The following SEMA6D variants were observed in gnomAD, a reference collection of about 807,000 sequenced individuals.
SEMA6D encodes the protein semaphorin-6D.
A neutral mutation model predicts 106.6 loss-of-function variants in SEMA6D; 35 were observed. That is an observed-to-expected ratio of 0.33 (90% CI 0.25 to 0.44). The LOEUF (loss-of-function observed/expected upper bound fraction) is 0.44. Among genes scored for constraint, SEMA6D ranks in the 20% least tolerant of loss-of-function variants. The pLI is 1.00. For synonymous variants in SEMA6D, 499 were observed against 487.7 expected, an observed-to-expected ratio of 1.02 and a Z score of -0.31; for missense variants, 1,185 against 1,345.9, an observed-to-expected ratio of 0.88 and a Z score of 1.87.
rs140879087 is a variant in SEMA6D at position 47,348,058 on chromosome 15, T to A, written c.-238-64335T>A. Reference sequence around the variant, plus strand: ...TTTGATGTAGCTCAATAATAATTTTTCCAGTCAGAATAATTTCAAACTGCA... The same window carrying A: ...TTTGATGTAGCTCAATAATAATTTTACCAGTCAGAATAATTTCAAACTGCA... On this transcript the variant is annotated intron_variant, in intron 1 of 19. Coordinates refer to the SEMA6D transcript ENST00000558014. 7.7e-3 allele frequency among the ~76,000 whole-genome samples: 1,172 copies of A among 152,310 alleles called. 21 individuals carry two copies. Among genetic ancestry groups the A allele is most frequent in the African/African-American group, 0.027 (1,118 of 41,554 alleles).
chr15:47,770,956 A>G lies in SEMA6D; in HGVS notation c.2393A>G (p.His798Arg). The G allele has an allele frequency of 6.2e-7, 1 of 1,614,122 alleles. No individual in the cohort carries two copies. Among genetic ancestry groups the G allele is most frequent in the East Asian group, 2.2e-5 (1 of 44,860 alleles). Reference sequence around the variant, plus strand: ...AGCCACTCAGAAAAGGCCCATGGCCATGGAGCTTCAAGGAAAGAAACCCCT... The same window carrying G: ...AGCCACTCAGAAAAGGCCCATGGCCGTGGAGCTTCAAGGAAAGAAACCCCT... ...MKSHSEKAHG[H>R]GASRKETPQF... The change falls in exon 19 of 19, where the codon CAT becomes CGT. Residue 798 changes from histidine (H) to arginine (R), a missense_variant. By Grantham distance (29) the His-to-Arg change is conservative (BLOSUM62 0). Around this residue, in one of 3 missense-constraint regions of SEMA6D, gnomAD observed 750 missense variants for 783.5 expected, o/e 0.96. Transcript: ENST00000536845.
At chr15:47,284,378 C>G (rs1040128852) in intron 1 of SEMA6D, among the ~76,000 whole-genome samples, 2 of 152,192 alleles carry the variant, frequency 1.3e-5, no homozygotes, top group African/African-American at 4.8e-5. Context: ...TCATATGTCA[C>G]TGGGCCCCCG....
chr15:47,690,862 AC>A, intron 4 of SEMA6D, among the ~76,000 whole-genome samples: 1 of 152,278 alleles, frequency 6.6e-6, no homozygotes, highest in Non-Finnish European at 1.5e-5. Flanking sequence ...GTCCCATGAT[AC>A]CCTTTGCCTA....
At chr15:47,648,709 C>T (rs755041036) in intron 4 of SEMA6D, among the ~76,000 whole-genome samples, 24 of 152,112 alleles carry the variant, frequency 1.6e-4, no homozygotes, top group Admixed American at 5.9e-4. Context: ...ATTTTTAACC[C>T]GATGTTTTTA....
chr15:47,694,808 A>G lies in SEMA6D; in HGVS notation c.-54-64937A>G, dbSNP rs148666920. ...TTTTCTCAAATCAGATCATTTTTCT[A>G]TGATAGTGACAAAGATGAAAAGTCA... On this transcript the variant is annotated intron_variant, in intron 4 of 19. Transcript: ENST00000558014. Among the ~76,000 whole-genome samples, 530 of 152,236 alleles carry G rather than the reference A, an allele frequency of 3.5e-3. 3 individuals carry two copies. Among genetic ancestry groups the G allele is most frequent in the African/African-American group, 0.012 (506 of 41,564 alleles).
intron 2 of SEMA6D, among the ~76,000 whole-genome samples, chr15:47,432,972 T>C (rs1265783631): frequency 6.6e-6 from 1 of 152,114 alleles, no homozygotes; most frequent in Admixed American, 6.6e-5. Flanking sequence ...AATGATTTTA[T>C]TACTTGTGAA....
At chr15:47,560,148 A>G (rs903333628) in intron 3 of SEMA6D, among the ~76,000 whole-genome samples, 2 of 152,094 alleles carry the variant, frequency 1.3e-5, no homozygotes, top group Admixed American at 6.6e-5. Context: ...TATATTATCT[A>G]AAGTGTATTC....
At chr15:47,644,017 C>T (rs1055781666) in intron 4 of SEMA6D, among the ~76,000 whole-genome samples, 4 of 152,050 alleles carry the variant, frequency 2.6e-5, no homozygotes, top group African/African-American at 4.8e-5. Context: ...ATTAATTCCC[C>T]GTTGTCTAGA....
chr15:47,288,402 C>A (rs1321097518), intron 1 of SEMA6D, among the ~76,000 whole-genome samples: 2 of 152,140 alleles, frequency 1.3e-5, no homozygotes, highest in Non-Finnish European at 2.9e-5. Context: ...TTTGCTTGCT[C>A]CGTTTTACTT....
At chr15:47,204,711 A>G (rs1426144546) in intron 1 of SEMA6D, among the ~76,000 whole-genome samples, 1 of 152,138 alleles carries the variant, frequency 6.6e-6, no homozygotes, top group African/African-American at 2.4e-5. Flanking sequence ...TAGAACTTCT[A>G]TAATAGACGG....
intron 2 of SEMA6D, among the ~76,000 whole-genome samples, chr15:47,418,767 C>A (rs2041060804): frequency 6.6e-6 from 1 of 151,946 alleles, no homozygotes; most frequent in African/African-American, 2.4e-5. Flanking sequence ...AGGATAGGGT[C>A]CTGTGCCTAG....
intron 2 of SEMA6D, among the ~76,000 whole-genome samples, chr15:47,457,620 T>C (rs1336622034): frequency 6.6e-6 from 1 of 151,968 alleles, no homozygotes; most frequent in African/African-American, 2.4e-5. Flanking sequence ...GTTAGTCAAT[T>C]TGAAGATATT....
chr15:47,522,227 A>G (rs2044608402), intron 3 of SEMA6D, among the ~76,000 whole-genome samples: 1 of 152,216 alleles, frequency 6.6e-6, no homozygotes, highest in African/African-American at 2.4e-5. Context: ...TTCAATAACA[A>G]TGCAAAGCAT....
intron 17 of SEMA6D, among the ~76,000 whole-genome samples, chr15:47,768,116 A>G (rs560626021): frequency 6.6e-6 from 1 of 152,132 alleles, no homozygotes; most frequent in Non-Finnish European, 1.5e-5. Flanking sequence ...AAAATCAAGT[A>G]TTTTCATAGA....
intron 1 of SEMA6D, among the ~76,000 whole-genome samples, chr15:47,336,486 T>G (rs74367902): frequency 6.6e-6 from 1 of 152,188 alleles, no homozygotes; most frequent in Non-Finnish European, 1.5e-5. Flanking sequence ...CTACTGGGAC[T>G]TTGGACTGGA....
At chr15:47,377,245 A>G (rs1474467392) in intron 1 of SEMA6D, among the ~76,000 whole-genome samples, 1 of 152,236 alleles carries the variant, frequency 6.6e-6, no homozygotes, top group Non-Finnish European at 1.5e-5. Context: ...TTACATGGTG[A>G]TAATAAATTT....
intron 4 of SEMA6D, among the ~76,000 whole-genome samples, chr15:47,704,720 A>G (rs1202766311): frequency 1.3e-5 from 2 of 151,630 alleles, no homozygotes; most frequent in Non-Finnish European, 2.9e-5. Context: ...CCCTGTCTCA[A>G]AAAAAAAATC....
At chr15:47,493,550 C>T (rs953480458) in intron 3 of SEMA6D, among the ~76,000 whole-genome samples, 2 of 152,128 alleles carry the variant, frequency 1.3e-5, no homozygotes, top group African/African-American at 4.8e-5. Flanking sequence ...GAGAATCAGT[C>T]AGTACACTGA....
chr15:47,207,089 G>C (rs989989098), intron 1 of SEMA6D, among the ~76,000 whole-genome samples: 7 of 152,164 alleles, frequency 4.6e-5, no homozygotes, highest in African/African-American at 1.7e-4. Context: ...TGGGCAATTA[G>C]GCAGCAGTGG....
Sources: allele counts gnomAD v4.1 joint callset (sites outside exome capture counted in the v4.1 genomes callset), GRCh38; gene constraint gnomAD v4.1.1; regional missense constraint gnomAD v4.1.1; transcripts MANE v1.5; gene names NCBI Gene and HGNC (gene_info 2026-07-23, HGNC 2026-07-21).